KSR2: variants seen among roughly 807,000 people sequenced by gnomAD.
The protein encoded by KSR2 is kinase suppressor of ras 2.
In KSR2, 25 loss-of-function variants were observed where a neutral mutation model predicts 107.8. The observed-to-expected ratio is 0.23, with a 90% CI of 0.17 to 0.32. The LOEUF (loss-of-function observed/expected upper bound fraction) is 0.32, where lower values mean the gene tolerates loss of function less well. Among genes scored for constraint, KSR2 ranks in the 10% least tolerant of loss-of-function variants. The pLI, the probability that KSR2 is intolerant of heterozygous loss-of-function variation, is 1.00. For missense variants in KSR2, 887 were observed against 1,268.9 expected (o/e 0.70, Z 4.57); for synonymous variants, 480 against 507.0 (o/e 0.95, Z 0.71).
At chr12:117,467,899 C>G in intron 19 of KSR2, 1 of 332,144 alleles carries the variant, frequency 3.0e-6, no homozygotes, top group South Asian at 1.9e-5. Context: ...GCATCCTATT[C>G]TGCTAGACCA....
At chr12:117,651,796 T>C (rs1883916723) in intron 5 of KSR2, among the ~76,000 whole-genome samples, 1 of 152,122 alleles carries the variant, frequency 6.6e-6, no homozygotes, top group Non-Finnish European at 1.5e-5. Flanking sequence ...GACCAATGTC[T>C]TATGAAATAG....
At chr12:117,717,973 G>A (rs11068644) in intron 4 of KSR2, among the ~76,000 whole-genome samples, 2,078 of 152,218 alleles carry the variant, frequency 0.014, 48 homozygotes, top group African/African-American at 0.048. Flanking sequence ...AGGAGCAGGG[G>A]GCGAGTTTCT....
chr12:117,767,450 A>G lies in KSR2; in HGVS notation c.473-5926T>C, dbSNP rs186314714. 6.7e-5 allele frequency among the ~76,000 whole-genome samples: 10 copies of G among 148,888 alleles called. No homozygotes were observed. In the Admixed American group the frequency reaches 6.7e-4, roughly 10 times the overall value. On this transcript the variant is annotated intron_variant, in intron 3 of 19. Coordinates refer to ENST00000339824, the MANE Select transcript of KSR2 (RefSeq NM_173598.6). ...AGACTCCTGTCTCAAAAGGAAAAAA[A>G]AGAGACAAACAGGTACACAAAAAGG...
chr12:117,911,737 T>C (rs1320088457), intron 1 of KSR2, among the ~76,000 whole-genome samples: 2 of 152,202 alleles, frequency 1.3e-5, no homozygotes, highest in East Asian at 1.9e-4. Flanking sequence ...GCATTCAATA[T>C]ACTTGCTGAA....
intron 5 of KSR2, among the ~76,000 whole-genome samples, chr12:117,614,737 T>C (rs1028432240): frequency 5.3e-5 from 8 of 152,236 alleles, no homozygotes; most frequent in Non-Finnish European, 1.2e-4. Flanking sequence ...TGCCTTTTAA[T>C]TTACGCCTGT....
At chr12:117,484,383 G>A (rs751550852) in intron 16 of KSR2, 33 bp downstream of exon 16, 1 of 1,611,654 alleles carries the variant, frequency 6.2e-7, no homozygotes, top group Non-Finnish European at 8.5e-7. Flanking sequence ...TCATCTGTCA[G>A]GAAACTCTCC....
chr12:117,626,856 C>T (rs1337196438), intron 5 of KSR2, among the ~76,000 whole-genome samples: 1 of 152,122 alleles, frequency 6.6e-6, no homozygotes, highest in African/African-American at 2.4e-5. Flanking sequence ...CTTTGTAGGT[C>T]TCTAAGGACT....
intron 5 of KSR2, among the ~76,000 whole-genome samples, chr12:117,656,960 TAGGATATATATATATAATAGG>T (rs1884188738): frequency 1.3e-5 from 1 of 74,188 alleles, no homozygotes; most frequent in Non-Finnish European, 2.3e-5. Flanking sequence ...ATATATATAA[TAGGATATATATATATAATAGG>T]ATATATATAT....
At chr12:117,785,796 C>G (rs1890050165) in intron 3 of KSR2, among the ~76,000 whole-genome samples, 1 of 151,694 alleles carries the variant, frequency 6.6e-6, no homozygotes, top group African/African-American at 2.4e-5. Context: ...TAAAAAAGCC[C>G]CAAGGAGCAA....
At chr12:117,516,713 G>A (rs926040797) in intron 14 of KSR2, among the ~76,000 whole-genome samples, 7 of 152,090 alleles carry the variant, frequency 4.6e-5, no homozygotes, top group African/African-American at 1.7e-4. Flanking sequence ...CAGGAGTGAA[G>A]AAATTTGCAA....
intron 1 of KSR2, among the ~76,000 whole-genome samples, chr12:117,947,707 A>C (rs1896241205): frequency 6.6e-6 from 1 of 152,162 alleles, no homozygotes; most frequent in Non-Finnish European, 1.5e-5. Context: ...TCAACACAAA[A>C]ATCAATTATA....
At chr12:117,778,340 C>A (rs1291314441) in intron 3 of KSR2, among the ~76,000 whole-genome samples, 1 of 152,164 alleles carries the variant, frequency 6.6e-6, no homozygotes, top group African/African-American at 2.4e-5. Context: ...ATCTGCCCGC[C>A]TCGGCCTCTC....
chr12:117,871,160 A>G (rs1187806011), intron 1 of KSR2, among the ~76,000 whole-genome samples: 1 of 152,216 alleles, frequency 6.6e-6, no homozygotes, highest in African/African-American at 2.4e-5. Flanking sequence ...TATGGGTCCA[A>G]TCACTGTCCC....
chr12:117,482,153 C>T (rs1592915070), intron 16 of KSR2, among the ~76,000 whole-genome samples: 4 of 151,852 alleles, frequency 2.6e-5, no homozygotes, highest in African/African-American at 9.7e-5. Flanking sequence ...GTGAGGAAGC[C>T]CAATGTAGTC....
At chr12:117,712,538 T>C (rs1438024134) in intron 4 of KSR2, among the ~76,000 whole-genome samples, 3 of 152,146 alleles carry the variant, frequency 2.0e-5, no homozygotes, top group African/African-American at 7.2e-5. Context: ...CCTCACTCCC[T>C]CCACCTGTAA....
chr12:117,942,428 A>G (rs1344686479), intron 1 of KSR2, among the ~76,000 whole-genome samples: 1 of 150,930 alleles, frequency 6.6e-6, no homozygotes, highest in Non-Finnish European at 1.5e-5. Flanking sequence ...TCTACTCACT[A>G]TCTCCATAAG....
At chr12:117,734,745 C>CATGGATGGATGGATGG (rs1322322640) in intron 4 of KSR2, among the ~76,000 whole-genome samples, 26,951 of 146,008 alleles carry the variant, frequency 0.18, 2,800 homozygotes, top group East Asian at 0.25. Flanking sequence ...TGCATGCATG[C>CATGGATGGATGGATGG]ATGCATGCAT....
chr12:117,609,735 G>C (rs1472905067), intron 5 of KSR2, among the ~76,000 whole-genome samples: 1 of 152,138 alleles, frequency 6.6e-6, no homozygotes, highest in Non-Finnish European at 1.5e-5. Context: ...GCGATGTTTG[G>C]GGCTGGATGA....
chr12:117,880,169 A>C (rs944562162), intron 1 of KSR2, among the ~76,000 whole-genome samples: 5 of 152,202 alleles, frequency 3.3e-5, no homozygotes, highest in African/African-American at 1.2e-4. Context: ...AACAAACAAA[A>C]AAGATTTATA....
Sources: gnomAD v4.1 joint callset for allele counts (sites outside exome capture counted in the v4.1 genomes callset) on GRCh38, gnomAD v4.1.1 for gene constraint, MANE v1.5 for transcripts, NCBI Gene and HGNC (gene_info 2026-07-23, HGNC 2026-07-21) for gene names.